Variants in SPMIP3 observed in about 807,000 individuals in gnomAD.
The protein encoded by SPMIP3 is sperm microtubule inner protein 3, also known as protein SPMIP3.
chr1:244,386,896 T>C, the SPMIP3 span, among the ~76,000 whole-genome samples: 5 of 152,348 alleles, frequency 3.3e-5, no homozygotes, highest in South Asian at 2.1e-4. Context: ...TTATAAGCTA[T>C]GTATACTTGG....
the SPMIP3 span, among the ~76,000 whole-genome samples, chr1:244,382,887 C>T: frequency 6.6e-6 from 1 of 151,830 alleles, no homozygotes; most frequent in African/African-American, 2.4e-5. Context: ...CAGGCAAGAG[C>T]CACCGTGCCC....
chr1:244,364,030 A>G, the SPMIP3 span, among the ~76,000 whole-genome samples: 1 of 152,200 alleles, frequency 6.6e-6, no homozygotes, highest in Non-Finnish European at 1.5e-5. Flanking sequence ...ACAACTGATC[A>G]GAACAAAACC....
the SPMIP3 span, among the ~76,000 whole-genome samples, chr1:244,357,707 CAAAAA>C: frequency 2.1e-5 from 2 of 95,114 alleles, no homozygotes; most frequent in Non-Finnish European, 4.0e-5. Flanking sequence ...GACTCCATCT[CAAAAA>C]AAAAAAAAAA....
chr1:244,386,563 A>T, the SPMIP3 span, among the ~76,000 whole-genome samples: 1 of 152,204 alleles, frequency 6.6e-6, no homozygotes, highest in African/African-American at 2.4e-5. Flanking sequence ...GCTGAATGGA[A>T]TTCCTCACAC....
chr1:244,375,589 G>T, the SPMIP3 span: 2 of 601,422 alleles, frequency 3.3e-6, no homozygotes, highest in Non-Finnish European at 5.6e-6. Context: ...AATAATAATG[G>T]ATAGAAGAGG....
chr1:244,360,254 C>T, the SPMIP3 span, among the ~76,000 whole-genome samples: 1 of 152,148 alleles, frequency 6.6e-6, no homozygotes, highest in Non-Finnish European at 1.5e-5. Context: ...GGGGAACCTT[C>T]ATACGCTGTT....
At chr1:244,374,838 T>G in the SPMIP3 span, among the ~76,000 whole-genome samples, 2 of 152,066 alleles carry the variant, frequency 1.3e-5, no homozygotes, top group Admixed American at 6.6e-5. Flanking sequence ...CCCCAAGTGA[T>G]CCACCCACCT....
the SPMIP3 span, among the ~76,000 whole-genome samples, chr1:244,382,583 G>A: frequency 1.4e-5 from 2 of 143,868 alleles, no homozygotes; most frequent in Admixed American, 1.4e-4. Flanking sequence ...GGCATTATTT[G>A]TATTACTCTG....
At chr1:244,356,918 C>CTTTTTTTTTTT in the SPMIP3 span, among the ~76,000 whole-genome samples, 2 of 103,782 alleles carry the variant, frequency 1.9e-5, no homozygotes, top group African/African-American at 3.8e-5. Flanking sequence ...TTTTCTTTTC[C>CTTTTTTTTTTT]TTTTTTTTTT....
At chr1:244,376,103 G>T in the SPMIP3 span, among the ~76,000 whole-genome samples, 3 of 152,140 alleles carry the variant, frequency 2.0e-5, no homozygotes, top group Admixed American at 6.5e-5. Flanking sequence ...AAGCAGAGGT[G>T]GGTGGGTATT....
chr1:244,356,918 C>CTTTTTTT, the SPMIP3 span, among the ~76,000 whole-genome samples: 3 of 103,766 alleles, frequency 2.9e-5, no homozygotes, highest in Non-Finnish European at 5.5e-5. Context: ...TTTTCTTTTC[C>CTTTTTTT]TTTTTTTTTT....
the SPMIP3 span, among the ~76,000 whole-genome samples, chr1:244,368,086 G>C: frequency 6.6e-6 from 1 of 151,856 alleles, no homozygotes; most frequent in Non-Finnish European, 1.5e-5. Flanking sequence ...TCAGCCTCTC[G>C]AGTGCTGGGA....
At chr1:244,354,672 C>G in the SPMIP3 span, among the ~76,000 whole-genome samples, 1 of 152,298 alleles carries the variant, frequency 6.6e-6, no homozygotes, top group East Asian at 1.9e-4. Context: ...GATTTAACAA[C>G]ACTTTTAAAA....
At chr1:244,377,618 A>AAT in the SPMIP3 span, among the ~76,000 whole-genome samples, 1 of 152,132 alleles carries the variant, frequency 6.6e-6, no homozygotes, top group Admixed American at 6.5e-5. Flanking sequence ...TCAAGGTCTT[A>AAT]ATATATATCA....
chr1:244,359,469 A>G, the SPMIP3 span, among the ~76,000 whole-genome samples: 2 of 152,214 alleles, frequency 1.3e-5, no homozygotes, highest in South Asian at 4.1e-4. Context: ...TCATGCTTGT[A>G]ATCCCACTTT....
At chr1:244,362,546 A>C in the SPMIP3 span, among the ~76,000 whole-genome samples, 1 of 152,102 alleles carries the variant, frequency 6.6e-6, no homozygotes, top group Non-Finnish European at 1.5e-5. Context: ...TTTCTCAAAG[A>C]TGTTTTCAAG....
At chr1:244,367,150 A>T in the SPMIP3 span, among the ~76,000 whole-genome samples, 2 of 152,136 alleles carry the variant, frequency 1.3e-5, no homozygotes, top group Non-Finnish European at 2.9e-5. Context: ...AAGCCATGAC[A>T]TGATGACACA....
the SPMIP3 span, among the ~76,000 whole-genome samples, chr1:244,373,332 T>TTATATATA: frequency 0.087 from 7,377 of 85,160 alleles, 1,180 homozygotes; most frequent in Middle Eastern, 0.17. Context: ...CAAAAAAAAA[T>TTATATATA]TATATATATA....
the SPMIP3 span, among the ~76,000 whole-genome samples, chr1:244,355,537 G>A: frequency 5.3e-5 from 8 of 151,858 alleles, no homozygotes; most frequent in African/African-American, 1.2e-4. Flanking sequence ...ACAGGCAAGC[G>A]CCACCACGCC....
Sources: allele counts gnomAD v4.1 joint callset (sites outside exome capture counted in the v4.1 genomes callset), GRCh38; gene constraint gnomAD v4.1.1; transcripts MANE v1.5; gene names NCBI Gene and HGNC (gene_info 2026-07-23, HGNC 2026-07-21).